FAM222B: variants seen among roughly 807,000 people sequenced by gnomAD.
FAM222B encodes family with sequence similarity 222 member B.
A neutral mutation model predicts 38.0 loss-of-function variants in FAM222B; 12 were observed. The observed-to-expected ratio is 0.32, with a 90% CI of 0.20 to 0.51. The LOEUF is 0.51. Ranked by LOEUF, FAM222B falls within the 20% of genes least tolerant of loss-of-function variation. The pLI is 0.97. For missense variants in FAM222B, 716 were observed against 754.2 expected, an observed-to-expected ratio of 0.95 and a Z score of 0.59; for synonymous variants, 329 against 317.2, an observed-to-expected ratio of 1.04 and a Z score of -0.40.
chr17:28,803,231 T>C (rs747620665), intron 1 of FAM222B, among the ~76,000 whole-genome samples: 2 of 152,050 alleles, frequency 1.3e-5, no homozygotes, highest in Non-Finnish European at 2.9e-5. Flanking sequence ...TGGTCTCGAA[T>C]GCCTGACTTC....
intron 1 of FAM222B, among the ~76,000 whole-genome samples, chr17:28,851,890 C>A (rs925399309): frequency 1.0e-4 from 15 of 144,980 alleles, no homozygotes; most frequent in Admixed American, 2.8e-4. Context: ...AAAAAAAAAA[C>A]CAAAAACAGA....
intron 1 of FAM222B, among the ~76,000 whole-genome samples, chr17:28,769,310 C>T (rs1185034922): frequency 6.6e-6 from 1 of 151,294 alleles, no homozygotes; most frequent in African/African-American, 2.4e-5. Context: ...TCCCGAGTAG[C>T]TGGGACTACA....
At chr17:28,802,909 C>T (rs1355144518) in intron 1 of FAM222B, 1 of 152,224 alleles carries the variant, frequency 6.6e-6, no homozygotes, top group Non-Finnish European at 1.5e-5. Context: ...ACTGACTATT[C>T]TAAATGGATT....
At chr17:28,798,652 TG>T (rs2037058538) in intron 1 of FAM222B, among the ~76,000 whole-genome samples, 1 of 151,816 alleles carries the variant, frequency 6.6e-6, no homozygotes, top group African/African-American at 2.4e-5. Context: ...TTTTTTTTTT[TG>T]AAACGGAGTC....
chr17:28,786,234 C>G (rs886730130), intron 1 of FAM222B, among the ~76,000 whole-genome samples: 1 of 152,132 alleles, frequency 6.6e-6, no homozygotes, highest in African/African-American at 2.4e-5. Flanking sequence ...GTAACTCATT[C>G]TTATGCTTTG....
chr17:28,772,991 A>G (rs2035711828), intron 1 of FAM222B, among the ~76,000 whole-genome samples: 1 of 152,232 alleles, frequency 6.6e-6, no homozygotes, highest in African/African-American at 2.4e-5. Context: ...AGGTGAATTC[A>G]GCAGACTCCA....
intron 1 of FAM222B, among the ~76,000 whole-genome samples, chr17:28,790,047 T>A (rs1038952379): frequency 2.6e-5 from 4 of 152,226 alleles, no homozygotes; most frequent in South Asian, 4.1e-4. Context: ...AATGGCAGAT[T>A]ATTTGGGCAT....
At chr17:28,761,563 C>T (rs2035072752) in intron 2 of FAM222B, among the ~76,000 whole-genome samples, 1 of 152,208 alleles carries the variant, frequency 6.6e-6, no homozygotes, top group Admixed American at 6.5e-5. Flanking sequence ...TCACCTAGAA[C>T]AAAGGTAGGC....
intron 1 of FAM222B, among the ~76,000 whole-genome samples, chr17:28,773,231 C>CT (rs2035722632): frequency 6.6e-6 from 1 of 152,010 alleles, no homozygotes; most frequent in Non-Finnish European, 1.5e-5. Context: ...ATCCCCAGCA[C>CT]TTTGGGAGGC....
intron 1 of FAM222B, among the ~76,000 whole-genome samples, chr17:28,853,296 C>T (rs566868160): frequency 6.6e-5 from 10 of 151,352 alleles, no homozygotes; most frequent in African/African-American, 2.2e-4. Context: ...ACTGGGAGGT[C>T]GAGGCTGTAG....
chr17:28,758,903 G>A lies in FAM222B; in HGVS notation c.1056C>T (p.Val352=), dbSNP rs1382872724. The part of the protein sequence containing the change: ...PVNLPTGISR[V]PTGYPSDLKP... Reference sequence around the variant, plus strand: ...TGAGGTCGCTAGGGTAGCCAGTGGGGACGCGAGAGATGCCTGTGGGCAGGT... The same window carrying A: ...TGAGGTCGCTAGGGTAGCCAGTGGGAACGCGAGAGATGCCTGTGGGCAGGT... Residue 352 remains valine (V), a synonymous_variant, in exon 3 of 3, where the codon GTC becomes GTT. Transcript: ENST00000581407. The A allele has an allele frequency of 3.7e-6, 6 of 1,609,098 alleles. No individual in the cohort carries two copies. The highest frequency in any genetic ancestry group is 1.3e-5 in the African/African-American group (1 of 74,870).
At chr17:28,813,496 G>A (rs2037894140) in intron 1 of FAM222B, among the ~76,000 whole-genome samples, 1 of 151,792 alleles carries the variant, frequency 6.6e-6, no homozygotes, top group Non-Finnish European at 1.5e-5. Context: ...ATGTGTCAAT[G>A]TTACTTTCCT....
At chr17:28,840,503 C>T (rs1411452792) in intron 1 of FAM222B, among the ~76,000 whole-genome samples, 1 of 152,118 alleles carries the variant, frequency 6.6e-6, no homozygotes, top group African/African-American at 2.4e-5. Flanking sequence ...CTCTTGGGCT[C>T]CTCTTCTGAG....
chr17:28,814,770 C>CTT (rs35921944), intron 1 of FAM222B, among the ~76,000 whole-genome samples: 20,669 of 117,406 alleles, frequency 0.18, 2,013 homozygotes, highest in South Asian at 0.27. Context: ...CCAGGCCGAT[C>CTT]TTTTTTTTTT....
At chr17:28,776,496 A>T (rs1018472261) in intron 1 of FAM222B, among the ~76,000 whole-genome samples, 1 of 125,276 alleles carries the variant, frequency 8.0e-6, no homozygotes, top group African/African-American at 3.2e-5. Context: ...TCACTCTGTC[A>T]CTCAGGCTGG....
intron 1 of FAM222B, among the ~76,000 whole-genome samples, chr17:28,831,632 A>G (rs1370786901): frequency 6.6e-6 from 1 of 151,246 alleles, no homozygotes; most frequent in East Asian, 2.0e-4. Flanking sequence ...TCAGCCTCCA[A>G]AGTACCTGGG....
chr17:28,775,986 G>T (rs895114631), intron 1 of FAM222B, among the ~76,000 whole-genome samples: 5 of 151,534 alleles, frequency 3.3e-5, no homozygotes, highest in African/African-American at 4.9e-5. Flanking sequence ...TGAGGCACGA[G>T]AGTCGTTTGA....
At chr17:28,833,894 C>T (rs561119109) in intron 1 of FAM222B, among the ~76,000 whole-genome samples, 1 of 152,280 alleles carries the variant, frequency 6.6e-6, no homozygotes, top group South Asian at 2.1e-4. Context: ...TATTGGATTT[C>T]CCAGATACCT....
At chr17:28,844,061 A>G (rs538003014), upstream of FAM222B, among the ~76,000 whole-genome samples, 17 of 152,318 alleles carry the variant, frequency 1.1e-4, no homozygotes, top group African/African-American at 4.1e-4. Flanking sequence ...CTGGTAAAAG[A>G]AAACCACTAA....
Sources: allele counts gnomAD v4.1 joint callset (sites outside exome capture counted in the v4.1 genomes callset), GRCh38; gene constraint gnomAD v4.1.1; transcripts MANE v1.5; gene names NCBI Gene and HGNC (gene_info 2026-07-23, HGNC 2026-07-21).